The following MLN variants were observed in gnomAD, a reference collection of about 807,000 sequenced individuals.
MLN encodes the protein promotilin.
A neutral mutation model predicts 13.3 loss-of-function variants in MLN; 14 were observed. The observed-to-expected ratio is 1.05, with a 90% confidence interval of 0.69 to 1.64. The LOEUF (loss-of-function observed/expected upper bound fraction) is 1.64. MLN is among the 40% of genes most tolerant of loss of function. The pLI, the probability that MLN is intolerant of heterozygous loss-of-function variation, is 0.00. For synonymous variants in MLN, 59 were observed against 54.7 expected, an observed-to-expected ratio of 1.08 and a Z score of -0.34; for missense variants, 122 against 142.9, an observed-to-expected ratio of 0.85 and a Z score of 0.75.
intron 3 of MLN, 69 bp from the exon 4 acceptor site, chr6:33,795,674 A>G (rs983281993): frequency 2.9e-5 from 39 of 1,323,596 alleles, no homozygotes; most frequent in Non-Finnish European, 3.9e-5. Flanking sequence ...GGTGCACTAC[A>G]GGTGGCAGGA....
intron 4 of MLN, 122 bp from the exon 5 acceptor site, chr6:33,794,957 TG>T: frequency 1.6e-6 from 2 of 1,263,756 alleles, no homozygotes; most frequent in Non-Finnish European, 2.2e-6. Flanking sequence ...GGCGGGAAGG[TG>T]GGAAGTTTTG....
At chr6:33,800,903 A>C in intron 2 of MLN, 144 bp downstream of exon 2, 3 of 677,594 alleles carry the variant, frequency 4.4e-6, no homozygotes, top group Non-Finnish European at 8.1e-6. Context: ...GAGTGATGCC[A>C]GTGAAGGCGT....
At chr6:33,800,915 A>C (rs2127388684) in intron 2 of MLN, 132 bp downstream of exon 2, 1 of 706,208 alleles carries the variant, frequency 1.4e-6, no homozygotes, top group East Asian at 2.5e-5. Context: ...TGAAGGCGTG[A>C]AGGTGGCCAG....
At chr6:33,795,373 G>A (rs1767888674) in intron 4 of MLN, 130 bp downstream of exon 4, 1 of 723,640 alleles carries the variant, frequency 1.4e-6, no homozygotes, top group Non-Finnish European at 2.3e-6. Context: ...AGCCCAGGGA[G>A]AAGACGGCTC....
In MLN at chr6:33,801,096, G is replaced by T. The variant is rs746105078; in HGVS notation, c.68C>A (p.Thr23Lys). ...GGTGAAGATGGGGACGAAGGCTTCCGTCTGGGAGGCCAGCATGGCAGCTAC... is the reference window on the plus strand; with the variant it reads ...GGTGAAGATGGGGACGAAGGCTTCCTTCTGGGAGGCCAGCATGGCAGCTAC... Reference protein sequence around the residue: ...VHVAAMLASQTEAFVPIFTYG... With the variant: ...VHVAAMLASQKEAFVPIFTYG... The change falls in exon 2 of 5, where the codon ACG becomes AAG. Residue 23 changes from threonine to lysine, a missense_variant. Physicochemically the swap from Thr to Lys is moderately conservative, Grantham distance 78 (BLOSUM62 -1). Coordinates refer to ENST00000430124, the MANE Select transcript of MLN (RefSeq NM_002418.3). 6.2e-7 allele frequency: 1 copy of T among 1,614,152 alleles called. No individual in the cohort carries two copies. The highest frequency in any genetic ancestry group is 8.5e-7 in the Non-Finnish European group (1 of 1,179,996).
chr6:33,799,212 G>A lies in MLN; in HGVS notation c.127C>T (p.Arg43Trp), dbSNP rs747262986. Residue 43 changes from arginine (R) to tryptophan (W), a missense_variant, in exon 3 of 5, where the codon CGG becomes TGG. Physicochemically the swap from Arg to Trp is moderately radical, Grantham distance 101 (BLOSUM62 -3). Transcript: ENST00000430124. This position sits in a 1 kb window ranked among gnomAD's most constrained non-coding sequence, Gnocchi z 4.6. The stretch of plus-strand genomic sequence containing the variant: ...AGGGATTTCTTTTGCCCTTTATTCC[G>A]TTCCTTTTCCTAGGGGCAGAACAGA... Reference protein sequence around the residue: ...GELQRMQEKERNKGQKKSLSV... With the variant: ...GELQRMQEKEWNKGQKKSLSV... 3.9e-5 allele frequency: 62 copies of A among 1,608,966 alleles called. No homozygotes were observed. Among genetic ancestry groups the A allele is most frequent in the South Asian group, 7.7e-5 (7 of 90,632 alleles).
intron 2 of MLN, 34 bp downstream of exon 2, chr6:33,801,013 C>T: frequency 2.0e-6 from 3 of 1,532,288 alleles, no homozygotes; most frequent in Non-Finnish European, 2.7e-6. Context: ...TGACCTCAGC[C>T]TTGCTAGCAG....
At position 33,795,531 on chromosome 6, in the gene MLN, C is replaced by A. The variant is rs1473146488; in HGVS notation, c.309G>T (p.Gly103=). 1 of 1,566,712 alleles carries A rather than the reference C, an allele frequency of 6.4e-7. No homozygotes were observed. Among genetic ancestry groups the A allele is most frequent in the East Asian group, 2.3e-5 (1 of 42,968 alleles). ...GCTGGGGAAGCATCTCACTCAGCAG[C>A]CCTTCCAGGGTGGCCGGGTACTTTT... The part of the protein sequence containing the change: ...QLEKYPATLE[G]LLSEMLPQHA... Residue 103 remains glycine (G), a synonymous_variant, in exon 4 of 5, where the codon GGG becomes GGT. Coordinates refer to ENST00000430124, the MANE Select transcript of MLN (RefSeq NM_002418.3).
At chr6:33,796,999 C>T (rs1286687355) in intron 3 of MLN, among the ~76,000 whole-genome samples, 2 of 152,232 alleles carry the variant, frequency 1.3e-5, no homozygotes, top group African/African-American at 4.8e-5. Context: ...CCTCCCAGCT[C>T]CCTCCTCAGG....
Position 33,795,574 on chromosome 6 carries a change from A to G in MLN, c.266T>C (p.Met89Thr). The change falls in exon 4 of 5, where the codon ATG becomes ACG. Residue 89 changes from methionine (M) to threonine (T), a missense_variant. Transcript: ENST00000430124. ...LTAPLEIGMRMNSRQLEKYPA... is the reference protein window; with the variant it reads ...LTAPLEIGMRTNSRQLEKYPA... Reference sequence around the variant, plus strand: ...GTACTTTTCCAGCTGTCTGGAGTTCATCCTCATTCCAATTTCCAGAGGAGC... The same window carrying G: ...GTACTTTTCCAGCTGTCTGGAGTTCGTCCTCATTCCAATTTCCAGAGGAGC... 6.4e-7 allele frequency: 1 copy of G among 1,563,244 alleles called. No individual in the cohort carries two copies. The highest frequency in any genetic ancestry group is 8.7e-7 in the Non-Finnish European group (1 of 1,152,332).
chr6:33,801,801 G>A (rs943462), intron 1 of MLN, among the ~76,000 whole-genome samples: 32,786 of 152,250 alleles, frequency 0.22, 3,784 homozygotes, highest in Admixed American at 0.29. Flanking sequence ...CCCCCGCCCC[G>A]TGCTCCAGTG....
At position 33,799,799 on chromosome 6, in the gene MLN, C is replaced by A. The variant is rs187636911; in HGVS notation, c.118-578G>T. ...GCAGTGTCCTTTGCTTGCTATTTTGCTAGTTTATGTTCCATTGGGTTTGAC... is the reference window on the plus strand; with the variant it reads ...GCAGTGTCCTTTGCTTGCTATTTTGATAGTTTATGTTCCATTGGGTTTGAC... On this transcript the variant is annotated intron_variant, in intron 2 of 4. Coordinates refer to ENST00000430124, the MANE Select transcript of MLN (RefSeq NM_002418.3). The surrounding 1 kb of genome is among the most constrained non-coding windows in gnomAD (Gnocchi z 4.6). Among the ~76,000 whole-genome samples the A allele has an allele frequency of 2.6e-5, 4 of 152,302 alleles. No individual in the cohort carries two copies. The highest frequency in any genetic ancestry group is 9.6e-5 in the African/African-American group (4 of 41,552).
At chr6:33,795,378 C>T (rs1045552122) in intron 4 of MLN, 125 bp downstream of exon 4, 6 of 736,512 alleles carry the variant, frequency 8.1e-6, no homozygotes, top group South Asian at 3.4e-5. Context: ...AGGGAGAAGA[C>T]GGCTCCACAT....
At position 33,799,130 on chromosome 6, in the gene MLN, C is replaced by G. The variant is rs1407957410; in HGVS notation, c.209G>C (p.Arg70Thr). ...CTTGATCATTTCGTTTTCTTCTTCC[C>G]TGATGGGCTCCGCAGGGTCTACAGG... The part of the protein sequence containing the change: ...EGPVDPAEPI[R>T]EEENEMIKLT... The change falls in exon 3 of 5, where the codon AGG becomes ACG. Residue 70 changes from arginine (R) to threonine (T), a missense_variant. Physicochemically the swap from Arg to Thr is moderately conservative, Grantham distance 71 (BLOSUM62 -1). Coordinates refer to ENST00000430124, the MANE Select transcript of MLN (RefSeq NM_002418.3). This position sits in a 1 kb window ranked among gnomAD's most constrained non-coding sequence, Gnocchi z 4.6. 1 of 1,610,464 alleles carries G rather than the reference C, an allele frequency of 6.2e-7. No individual in the cohort carries two copies. Among genetic ancestry groups the G allele is most frequent in the South Asian group, 1.1e-5 (1 of 90,794 alleles).
At chr6:33,795,670 C>T in intron 3 of MLN, 65 bp from the exon 4 acceptor site, 1 of 1,394,054 alleles carries the variant, frequency 7.2e-7, no homozygotes, top group South Asian at 1.2e-5. Flanking sequence ...CCTGGGTGCA[C>T]TACAGGTGGC....
chr6:33,802,415 G>C (rs2127389139), intron 1 of MLN, among the ~76,000 whole-genome samples: 1 of 152,218 alleles, frequency 6.6e-6, no homozygotes, highest in South Asian at 2.1e-4. Flanking sequence ...GGCAGGAGAG[G>C]GTCTGCCCTG....
At chr6:33,802,686 C>CA (rs903408297) in intron 1 of MLN, among the ~76,000 whole-genome samples, 1 of 152,196 alleles carries the variant, frequency 6.6e-6, no homozygotes, top group Non-Finnish European at 1.5e-5. Flanking sequence ...CTCCCCATCC[C>CA]AGCTGTATGC....
Position 33,794,723 on chromosome 6 carries a change from GT to G in MLN, c.*101del. 7.1e-7 allele frequency: 1 copy of G among 1,402,530 alleles called. No homozygotes were observed. Among genetic ancestry groups the G allele is most frequent in the Non-Finnish European group, 9.8e-7 (1 of 1,020,456 alleles). 86.9% of individuals were successfully genotyped at this position (1,402,530 alleles called of 1,614,324 possible). A position where few individuals can be genotyped will look rare whatever the true frequency, so the allele number is the denominator to read the frequency against. Reference sequence around the variant, plus strand: ...GAGGGGAATTTGCTTTGGAAAGGGTGTTTTCCTTCCAAGCCCAGCTGGCAGG... The same window carrying G: ...GAGGGGAATTTGCTTTGGAAAGGGTGTTTCCTTCCAAGCCCAGCTGGCAGG... On this transcript the variant is annotated 3_prime_UTR_variant, in exon 5 of 5. Coordinates refer to ENST00000430124, the MANE Select transcript of MLN (RefSeq NM_002418.3).
chr6:33,795,369 G>A (rs1767888535), intron 4 of MLN, 134 bp downstream of exon 4: 5 of 710,990 alleles, frequency 7.0e-6, no homozygotes, highest in Non-Finnish European at 4.8e-6. Context: ...GCATAGCCCA[G>A]GGAGAAGACG....
Sources: allele counts gnomAD v4.1 joint callset (sites outside exome capture counted in the v4.1 genomes callset), GRCh38; gene constraint gnomAD v4.1.1; non-coding constraint Gnocchi (gnomAD v3.1); transcripts MANE v1.5; gene names NCBI Gene and HGNC (gene_info 2026-07-23, HGNC 2026-07-21).